Variants in PDGFC observed in about 807,000 individuals in gnomAD.
PDGFC encodes the protein platelet derived growth factor C.
Under a neutral mutation model 35.5 loss-of-function variants are expected in PDGFC, and 12 were observed. The observed-to-expected ratio is 0.34, with a 90% CI of 0.22 to 0.55. The LOEUF is 0.55. PDGFC is among the 20% of genes least tolerant of loss of function. The pLI is 0.91. For missense variants in PDGFC, 322 were observed against 412.4 expected, an observed-to-expected ratio of 0.78 and a Z score of 1.90; for synonymous variants, 159 against 148.8, an observed-to-expected ratio of 1.07 and a Z score of -0.50.
At chr4:156,829,273 CT>C (rs2111015318) in intron 2 of PDGFC, among the ~76,000 whole-genome samples, 1 of 152,278 alleles carries the variant, frequency 6.6e-6, no homozygotes, top group Admixed American at 6.5e-5. Context: ...GAAAGACAGA[CT>C]GCCATTTCTC....
chr4:156,800,406 A>AT (rs1731569011), intron 3 of PDGFC, among the ~76,000 whole-genome samples: 1 of 152,210 alleles, frequency 6.6e-6, no homozygotes, highest in Non-Finnish European at 1.5e-5. Context: ...ATACAAAATC[A>AT]GATTCATGTG....
At chr4:156,943,171 C>CG (rs1409666569) in intron 1 of PDGFC, among the ~76,000 whole-genome samples, 1 of 152,006 alleles carries the variant, frequency 6.6e-6, no homozygotes, top group Non-Finnish European at 1.5e-5. Context: ...CTCAACCCCC[C>CG]GGTGTATCAA....
intron 1 of PDGFC, among the ~76,000 whole-genome samples, chr4:156,875,644 G>A (rs183256441): frequency 1.3e-5 from 2 of 152,300 alleles, no homozygotes; most frequent in East Asian, 3.9e-4. Flanking sequence ...AAGGCCGGGC[G>A]CAGTGGCTCA....
Position 156,808,853 on chromosome 4 carries a change from G to A in PDGFC, c.495+1984C>T, listed in dbSNP as rs769551744. Among the ~76,000 whole-genome samples the A allele has an allele frequency of 4.6e-5, 7 of 152,032 alleles. No individual in the cohort carries two copies. In the East Asian group the frequency reaches 9.7e-4, roughly 21 times the overall value. On this transcript the variant is annotated intron_variant, in intron 3 of 5. Transcript: ENST00000502773. ...GATATATGGAACCAAGACAAAGGAC[G>A]GCTGAAGAAATGGCAGGTTAATTGT...
chr4:156,910,785 C>T (rs1731020433), intron 1 of PDGFC, among the ~76,000 whole-genome samples: 1 of 152,034 alleles, frequency 6.6e-6, no homozygotes, highest in South Asian at 2.1e-4. Flanking sequence ...TTGCATTTAC[C>T]TAACGGCAGA....
chr4:156,767,011 G>C (rs1309573916), intron 5 of PDGFC, among the ~76,000 whole-genome samples: 2 of 152,074 alleles, frequency 1.3e-5, no homozygotes, highest in African/African-American at 4.8e-5. Flanking sequence ...CAGAAGGGCA[G>C]ATTTTGACTT....
chr4:156,777,225 A>G (rs139494411), intron 3 of PDGFC, among the ~76,000 whole-genome samples: 5 of 152,284 alleles, frequency 3.3e-5, no homozygotes, highest in Non-Finnish European at 4.4e-5. Context: ...CTGGCTTATA[A>G]ATAGAAGCAG....
intron 1 of PDGFC, among the ~76,000 whole-genome samples, chr4:156,900,216 TTCTC>T (rs1012105760): frequency 3.9e-5 from 6 of 152,202 alleles, no homozygotes; most frequent in Non-Finnish European, 8.8e-5. Context: ...CCAGTTTTAA[TTCTC>T]TCTTTTTCCC....
intron 2 of PDGFC, among the ~76,000 whole-genome samples, chr4:156,839,647 A>T (rs1729150528): frequency 6.6e-6 from 1 of 152,190 alleles, no homozygotes; most frequent in African/African-American, 2.4e-5. Flanking sequence ...AACTGGAACC[A>T]TTTGGAGGGA....
chr4:156,863,048 T>C lies in PDGFC; in HGVS notation c.119-12632A>G, dbSNP rs536953552. Among the ~76,000 whole-genome samples, 16 of 152,272 alleles carry C rather than the reference T, an allele frequency of 1.1e-4. No homozygotes were observed. The East Asian group carries it at 1.4e-3, about 13-fold the overall frequency. ...TTTCCGATTACAAAAAACCTTCTCATACATAAGTTTTTACCAGCTAAAACA... is the reference window on the plus strand; with the variant it reads ...TTTCCGATTACAAAAAACCTTCTCACACATAAGTTTTTACCAGCTAAAACA... On this transcript the variant is annotated intron_variant, in intron 1 of 5. Transcript: ENST00000502773.
At chr4:156,773,789 T>C (rs1730749447) in intron 3 of PDGFC, 1 of 152,222 alleles carries the variant, frequency 6.6e-6, no homozygotes, top group Admixed American at 6.5e-5. Flanking sequence ...TTAGTGTACG[T>C]AGGCACAACA....
At chr4:156,941,368 G>A (rs575214025) in intron 1 of PDGFC, among the ~76,000 whole-genome samples, 1 of 152,218 alleles carries the variant, frequency 6.6e-6, no homozygotes, top group African/African-American at 2.4e-5. Context: ...AAACTGCACG[G>A]GATGACGGTC....
chr4:156,915,996 T>C (rs1410060591), intron 1 of PDGFC, among the ~76,000 whole-genome samples: 3 of 152,000 alleles, frequency 2.0e-5, no homozygotes, highest in African/African-American at 7.3e-5. Context: ...AACTCTATAT[T>C]CCTTTCTAAA....
chr4:156,805,912 C>T (rs949493336), intron 3 of PDGFC, among the ~76,000 whole-genome samples: 1 of 151,984 alleles, frequency 6.6e-6, no homozygotes, highest in Middle Eastern at 3.2e-3. Context: ...TCTAACCCCT[C>T]CCCACAGAAA....
intron 1 of PDGFC, among the ~76,000 whole-genome samples, chr4:156,888,218 A>G (rs1190887060): frequency 6.6e-6 from 1 of 152,156 alleles, no homozygotes; most frequent in Admixed American, 6.5e-5. Flanking sequence ...TGCTCCAGTT[A>G]TAAGTTCATG....
At chr4:156,870,065 A>T (rs1579067645) in intron 1 of PDGFC, among the ~76,000 whole-genome samples, 1 of 152,158 alleles carries the variant, frequency 6.6e-6, no homozygotes, top group East Asian at 1.9e-4. Flanking sequence ...ACTTACTGTA[A>T]GGTTCAGACT....
chr4:156,906,013 T>C (rs1730907164), intron 1 of PDGFC, among the ~76,000 whole-genome samples: 2 of 152,166 alleles, frequency 1.3e-5, no homozygotes, highest in South Asian at 4.1e-4. Context: ...ATCAGATACT[T>C]GTGTAAGTAT....
At chr4:156,779,202 G>A (rs770569353) in intron 3 of PDGFC, 13 of 455,866 alleles carry the variant, frequency 2.9e-5, no homozygotes, top group South Asian at 1.2e-4. Context: ...ATTTAAACAC[G>A]CTTCTTTGCC....
chr4:156,775,519 G>A (rs563755277), intron 3 of PDGFC, among the ~76,000 whole-genome samples: 9 of 152,268 alleles, frequency 5.9e-5, no homozygotes, highest in African/African-American at 1.9e-4. Context: ...TGTAATCCAA[G>A]AATGATTTGG....
Sources: allele counts gnomAD v4.1 joint callset (sites outside exome capture counted in the v4.1 genomes callset), GRCh38; gene constraint gnomAD v4.1.1; transcripts MANE v1.5; gene names NCBI Gene and HGNC (gene_info 2026-07-23, HGNC 2026-07-21).